AKR1C3: variants seen among roughly 807,000 people sequenced by gnomAD.
The protein encoded by AKR1C3 is aldo-keto reductase family 1 member C3, also known as 3-alpha hydroxysteroid dehydrogenase, type II.
A neutral mutation model predicts 43.6 loss-of-function variants in AKR1C3; 48 were observed. The observed-to-expected ratio is 1.10, with a 90% CI of 0.87 to 1.40. The LOEUF is 1.40. AKR1C3 is among the 40% of genes most tolerant of loss of function. The pLI, the probability that AKR1C3 is intolerant of heterozygous loss-of-function variation, is 0.00. For missense variants in AKR1C3, 482 were observed against 391.2 expected, an observed-to-expected ratio of 1.23 and a Z score of -1.96; for synonymous variants, 162 against 139.6, an observed-to-expected ratio of 1.16 and a Z score of -1.13.
At chr10:5,054,427 G>A (rs1838217234) in intron 1 of AKR1C3, among the ~76,000 whole-genome samples, 1 of 152,146 alleles carries the variant, frequency 6.6e-6, no homozygotes, top group Non-Finnish European at 1.5e-5. Context: ...TACTGATAAG[G>A]TCTGATTTCC....
intron 1 of AKR1C3, among the ~76,000 whole-genome samples, chr10:5,059,818 G>A (rs148394384): frequency 0.02 from 3,116 of 152,280 alleles, 111 homozygotes; most frequent in African/African-American, 0.071. Flanking sequence ...GGCAATAGGT[G>A]ATGGTCCCTT....
upstream of AKR1C3, chr10:5,094,249 TTGA>T (rs1554784801): frequency 4.9e-6 from 2 of 407,944 alleles, no homozygotes; most frequent in African/African-American, 4.2e-5. Flanking sequence ...GGAATTCTCT[TTGA>T]TAAGAAACAA....
chr10:5,102,020 C>A (rs1285215346), intron 5 of AKR1C3, 81 bp from the exon 6 acceptor site: 1 of 881,492 alleles, frequency 1.1e-6, no homozygotes, highest in South Asian at 1.5e-5. Context: ...GATTATTATT[C>A]AGCTTCCTTA....
chr10:5,101,709 C>A (rs1554786012), intron 5 of AKR1C3, among the ~76,000 whole-genome samples: 1 of 152,110 alleles, frequency 6.6e-6, no homozygotes, highest in Admixed American at 6.5e-5. Flanking sequence ...AGTGACATTT[C>A]TTTGAAAGTA....
At chr10:5,094,264 T>C (rs1357660211), upstream of AKR1C3, 1 of 459,314 alleles carries the variant, frequency 2.2e-6, no homozygotes, top group Admixed American at 3.7e-5. Context: ...AAGAAACAAA[T>C]GAACTGAATG....
chr10:5,077,897 C>A, intron 1 of AKR1C3: 1 of 615,512 alleles, frequency 1.6e-6, no homozygotes. Context: ...TTTGAATCAT[C>A]AGAATCATCT....
intron 1 of AKR1C3, among the ~76,000 whole-genome samples, chr10:5,075,378 C>T (rs1407256590): frequency 1.3e-5 from 2 of 152,148 alleles, no homozygotes; most frequent in African/African-American, 4.8e-5. Flanking sequence ...GATCGCTCTC[C>T]CACAGAAAGA....
At chr10:5,049,074 G>T (rs1342986241) in intron 1 of AKR1C3, among the ~76,000 whole-genome samples, 1 of 152,002 alleles carries the variant, frequency 6.6e-6, no homozygotes, top group East Asian at 1.9e-4. Flanking sequence ...GTTGTGCATA[G>T]AAGTCTGGTT....
intron 3 of AKR1C3, 197 bp downstream of exon 3, chr10:5,097,747 AAG>A: frequency 2.9e-6 from 4 of 1,364,590 alleles, no homozygotes; most frequent in Non-Finnish European, 3.8e-6. Context: ...CCTACAAGAG[AAG>A]AGAGTACAGC....
At chr10:5,079,988 G>A (rs1838797892) in intron 1 of AKR1C3, among the ~76,000 whole-genome samples, 1 of 152,186 alleles carries the variant, frequency 6.6e-6, no homozygotes, top group Non-Finnish European at 1.5e-5. Context: ...GCGAAATAAT[G>A]AATCAGAGTC....
chr10:5,063,789 A>AAAAAAAAAAAAACAAC (rs1838434547), intron 1 of AKR1C3, among the ~76,000 whole-genome samples: 1 of 134,908 alleles, frequency 7.4e-6, no homozygotes, highest in Non-Finnish European at 1.6e-5. Flanking sequence ...AAAAAAAAAA[A>AAAAAAAAAAAAACAAC]GGAAAATGGC....
intron 1 of AKR1C3, among the ~76,000 whole-genome samples, chr10:5,082,618 A>G (rs573877450): frequency 6.6e-6 from 1 of 152,154 alleles, no homozygotes; most frequent in South Asian, 2.1e-4. Flanking sequence ...TGTATGTTTA[A>G]TCATCCTTGC....
intron 1 of AKR1C3, among the ~76,000 whole-genome samples, chr10:5,053,828 G>A (rs906639128): frequency 2.0e-5 from 3 of 152,230 alleles, no homozygotes; most frequent in Admixed American, 6.5e-5. Flanking sequence ...TGGTCCAGGG[G>A]TCCTTGGTAG....
rs782790991 is a variant in AKR1C3 at position 5,097,562 on chromosome 10, G to T, written c.369+12G>T. On this transcript the variant is annotated intron_variant, in intron 3 of 8. Coordinates refer to ENST00000380554, the MANE Select transcript of AKR1C3 (RefSeq NM_003739.6). ...CAATGTCTCTAAAGGTATGCAGTTT[G>T]TATGAGCATAAAATTGCGCTTCTGC... The T allele has an allele frequency of 5.0e-6, 8 of 1,613,090 alleles. No homozygotes were observed. In the African/African-American group the frequency reaches 9.3e-5, roughly 19 times the overall value.
intron 2 of AKR1C3, 62 bp downstream of exon 2, chr10:5,096,639 A>T (rs1365334617): frequency 6.6e-7 from 1 of 1,526,700 alleles, no homozygotes; most frequent in East Asian, 2.3e-5. Flanking sequence ...GGAGATGACA[A>T]TTCTATGACT....
chr10:5,064,330 G>A (rs567843901), intron 1 of AKR1C3, among the ~76,000 whole-genome samples: 5,781 of 151,842 alleles, frequency 0.038, 372 homozygotes, highest in African/African-American at 0.13. Flanking sequence ...CTAGCCATGT[G>A]CAGAAGATTG....
At chr10:5,055,860 C>T (rs1034339251) in intron 1 of AKR1C3, among the ~76,000 whole-genome samples, 33 of 152,300 alleles carry the variant, frequency 2.2e-4, no homozygotes, top group Admixed American at 1.7e-3. Flanking sequence ...ATCTGGGGAT[C>T]CATAGTCGGC....
intron 5 of AKR1C3, among the ~76,000 whole-genome samples, chr10:5,101,871 C>G (rs12242350): frequency 0.25 from 38,002 of 151,830 alleles, 4,872 homozygotes; most frequent in Middle Eastern, 0.37. Flanking sequence ...TCTTTGGAAG[C>G]CAGGATCTGA....
intron 1 of AKR1C3, among the ~76,000 whole-genome samples, chr10:5,080,588 C>A (rs1554782247): frequency 6.6e-6 from 1 of 152,102 alleles, no homozygotes; most frequent in Non-Finnish European, 1.5e-5. Flanking sequence ...TGTACCACTG[C>A]ACCACTCCAG....
Sources: allele counts gnomAD v4.1 joint callset (sites outside exome capture counted in the v4.1 genomes callset), GRCh38; gene constraint gnomAD v4.1.1; transcripts MANE v1.5; gene names NCBI Gene and HGNC (gene_info 2026-07-23, HGNC 2026-07-21).